Variants in NR2C2 observed in about 807,000 individuals in gnomAD.
NR2C2 encodes nuclear receptor subfamily 2 group C member 2.
In NR2C2, 6 loss-of-function variants were observed where a neutral mutation model predicts 62.9. That is an observed-to-expected ratio of 0.10 (90% CI 0.05 to 0.19). The LOEUF is 0.19. NR2C2 is among the 10% of genes least tolerant of loss of function. The pLI is 1.00. For missense variants in NR2C2, 479 were observed against 762.7 expected (o/e 0.63, Z 4.38); for synonymous variants, 272 against 273.8 (o/e 0.99, Z 0.07).
chr3:15,025,771 G>C (rs1164828755), intron 7 of NR2C2: 1 of 152,186 alleles, frequency 6.6e-6, no homozygotes, highest in Non-Finnish European at 1.5e-5. Context: ...CATTGGCTTT[G>C]GTACAAACCA....
chr3:15,040,830 T>C (rs2042239280), intron 13 of NR2C2, among the ~76,000 whole-genome samples: 2 of 152,208 alleles, frequency 1.3e-5, no homozygotes, highest in African/African-American at 4.8e-5. Flanking sequence ...CCAGAATTTA[T>C]ACATCCAGCC....
chr3:14,992,028 TCC>T (rs2040687251), intron 1 of NR2C2, among the ~76,000 whole-genome samples: 1 of 152,132 alleles, frequency 6.6e-6, no homozygotes, highest in Admixed American at 6.6e-5. Flanking sequence ...TACCTCGCCC[TCC>T]CAAACTGCTG....
intron 1 of NR2C2, among the ~76,000 whole-genome samples, chr3:14,991,447 A>G (rs2040667555): frequency 6.6e-6 from 1 of 152,218 alleles, no homozygotes; most frequent in Non-Finnish European, 1.5e-5. Flanking sequence ...AAAGGAGGGT[A>G]TGTGGTACAT....
chr3:14,969,337 C>T (rs549198226), intron 1 of NR2C2, among the ~76,000 whole-genome samples: 6 of 150,468 alleles, frequency 4.0e-5, no homozygotes, highest in African/African-American at 7.4e-5. Flanking sequence ...CAACCACTTC[C>T]GTTCAAGCAA....
chr3:15,009,093 A>C (rs189685459), intron 2 of NR2C2, among the ~76,000 whole-genome samples: 1 of 152,150 alleles, frequency 6.6e-6, no homozygotes, highest in Admixed American at 6.6e-5. Context: ...ATGGTGACGC[A>C]TACCTGTAAT....
Position 15,020,612 on chromosome 3 carries a change from C to G in NR2C2, c.377-141C>G, listed in dbSNP as rs577368679. On this transcript the variant is annotated intron_variant, in intron 4 of 13. Transcript: ENST00000425241. The stretch of plus-strand genomic sequence containing the variant: ...GGGTGTGGCCAGTATGCTTAATGCT[C>G]AGGCCACGTGGCTGTTGGCATCTAA... 9.9e-6 allele frequency: 8 copies of G among 804,818 alleles called. No individual in the cohort carries two copies. In the African/African-American group the frequency reaches 1.2e-4, roughly 12 times the overall value. 49.9% of individuals were successfully genotyped at this position (804,818 alleles called of 1,614,324 possible). A position where few individuals can be genotyped will look rare whatever the true frequency, so the allele number is the denominator to read the frequency against.
intron 1 of NR2C2, among the ~76,000 whole-genome samples, chr3:15,002,378 T>G (rs560544605): frequency 5.2e-4 from 79 of 152,198 alleles, no homozygotes; most frequent in Non-Finnish European, 9.0e-4. Context: ...TGTATAGAAC[T>G]GTTTGATTTT....
chr3:14,955,403 T>C (rs2039494429), intron 1 of NR2C2, among the ~76,000 whole-genome samples: 1 of 152,208 alleles, frequency 6.6e-6, no homozygotes, highest in Non-Finnish European at 1.5e-5. Context: ...GTAAGCAATT[T>C]TTGTTCCCTT....
chr3:14,992,435 G>A (rs139300003), intron 1 of NR2C2, among the ~76,000 whole-genome samples: 1 of 152,094 alleles, frequency 6.6e-6, no homozygotes, highest in Non-Finnish European at 1.5e-5. Context: ...CAGAGTCCCA[G>A]GATCAAAGGC....
At chr3:15,009,899 C>G (rs1219860261) in intron 2 of NR2C2, among the ~76,000 whole-genome samples, 1 of 152,202 alleles carries the variant, frequency 6.6e-6, no homozygotes, top group Non-Finnish European at 1.5e-5. Context: ...TCCTCGCTTG[C>G]TTGCAGCTGC....
At chr3:15,038,251 C>T (rs2042158376) in intron 12 of NR2C2, 114 bp downstream of exon 12, 22 of 1,118,486 alleles carry the variant, frequency 2.0e-5, no homozygotes, top group Non-Finnish European at 2.7e-5. Flanking sequence ...TTGTATGTGA[C>T]CTAGTGTTCT....
chr3:14,967,113 AT>A (rs1209729982), intron 1 of NR2C2, among the ~76,000 whole-genome samples: 1 of 152,026 alleles, frequency 6.6e-6, no homozygotes, highest in African/African-American at 2.4e-5. Flanking sequence ...GACTTTGTTC[AT>A]TTCATCTAAG....
chr3:14,992,900 C>T (rs1311211544), intron 1 of NR2C2, among the ~76,000 whole-genome samples: 2 of 152,166 alleles, frequency 1.3e-5, no homozygotes. Flanking sequence ...ATGCCCTAAC[C>T]AAGGTATAAC....
intron 4 of NR2C2, among the ~76,000 whole-genome samples, chr3:15,018,495 T>C (rs942393729): frequency 6.6e-6 from 1 of 152,198 alleles, no homozygotes; most frequent in Non-Finnish European, 1.5e-5. Context: ...GGCCGAGTTA[T>C]ATGAAAAAAT....
intron 1 of NR2C2, among the ~76,000 whole-genome samples, chr3:14,990,081 G>A (rs961093143): frequency 1.3e-5 from 2 of 152,142 alleles, no homozygotes; most frequent in African/African-American, 4.8e-5. Context: ...TGCAGCCTGA[G>A]TGACAGAGCC....
chr3:15,016,020 T>C, intron 3 of NR2C2, 132 bp from the exon 4 acceptor site: 1 of 644,478 alleles, frequency 1.6e-6, no homozygotes, highest in Non-Finnish European at 2.8e-6. Context: ...CAGGCTGGTC[T>C]CGAACTCCCG....
At chr3:15,021,665 GGCATGCAACTT>G (rs202127114) in intron 5 of NR2C2, among the ~76,000 whole-genome samples, 2,465 of 152,342 alleles carry the variant, frequency 0.016, 73 homozygotes, top group African/African-American at 0.055. Flanking sequence ...AGCAGAGCAA[GGCATGCAACTT>G]GCATGCAACT....
chr3:15,024,251 C>T (rs2041759983), intron 7 of NR2C2, 43 bp downstream of exon 7: 1 of 1,361,020 alleles, frequency 7.3e-7, no homozygotes, highest in Admixed American at 2.1e-5. Context: ...TTTATGTTGA[C>T]ATTGCAGGCT....
At chr3:14,990,197 C>T (rs1268378514) in intron 1 of NR2C2, among the ~76,000 whole-genome samples, 1 of 152,128 alleles carries the variant, frequency 6.6e-6, no homozygotes, top group Non-Finnish European at 1.5e-5. Context: ...CAGGTCTTTC[C>T]TCCTCTCCTT....
Sources: gnomAD v4.1 joint callset for allele counts (sites outside exome capture counted in the v4.1 genomes callset) on GRCh38, gnomAD v4.1.1 for gene constraint, MANE v1.5 for transcripts, NCBI Gene and HGNC (gene_info 2026-07-23, HGNC 2026-07-21) for gene names.